B9D2: variants seen among roughly 807,000 people sequenced by gnomAD.
The protein encoded by B9D2 is B9 domain containing 2.
A neutral mutation model predicts 19.2 loss-of-function variants in B9D2; 21 were observed. The observed-to-expected ratio is 1.09, with a 90% CI of 0.78 to 1.58. The LOEUF (loss-of-function observed/expected upper bound fraction) is 1.58, where lower values mean the gene tolerates loss of function less well. B9D2 is among the 40% of genes most tolerant of loss of function. B9D2 has a pLI of 0.00. For synonymous variants in B9D2, 91 were observed against 100.6 expected, an observed-to-expected ratio of 0.90 and a Z score of 0.57; for missense variants, 221 against 244.3, an observed-to-expected ratio of 0.90 and a Z score of 0.64.
chr19:41,357,943 G>C lies in B9D2; in HGVS notation c.168C>G (p.Tyr56Ter), dbSNP rs1568484575. 1 of 1,614,146 alleles carries C rather than the reference G, an allele frequency of 6.2e-7. No homozygotes were observed. The highest frequency in any genetic ancestry group is 1.1e-5 in the South Asian group (1 of 91,074). ...VDTPQIGDMA[Y>*]WSHPIDLHFA... ...AGTGCAGGTCGATGGGGTGGGACCA[G>C]TAAGCCATGTCCCCTATCTGCGGGG... Residue 56 changes from tyrosine (Y) to a stop codon, truncating the protein, a stop_gained, in exon 3 of 4, where the codon TAC (tyrosine) becomes TAG (stop). Transcript: ENST00000243578. LOFTEE classifies it high-confidence loss of function.
chr19:41,363,871 C>T (rs1376444630), intron 1 of B9D2, 87 bp downstream of exon 1: 1 of 508,490 alleles, frequency 2.0e-6, no homozygotes, highest in Non-Finnish European at 3.6e-6. Flanking sequence ...CGCTTCCCTC[C>T]CCCAGCAAGC....
chr19:41,359,022 G>A (rs1026360093), intron 2 of B9D2, among the ~76,000 whole-genome samples: 16 of 151,890 alleles, frequency 1.1e-4, no homozygotes, highest in South Asian at 4.2e-4. Context: ...GCAGGTGCCT[G>A]TAATCCCAGG....
intron 2 of B9D2, chr19:41,363,033 G>A (rs1254297347): frequency 2.0e-5 from 5 of 251,410 alleles, no homozygotes; most frequent in South Asian, 8.5e-5. Flanking sequence ...CTGTTTGAGC[G>A]CAGGAGTTCG....
chr19:41,354,712 G>A lies in B9D2; in HGVS notation c.516C>T (p.Gly172=), dbSNP rs141578342. ...GAGGCAGAGTCCCTCAGCACTCCACGCCGTAGCGGTCGAAGTTGCGGAGCA... is the reference window on the plus strand; with the variant it reads ...GAGGCAGAGTCCCTCAGCACTCCACACCGTAGCGGTCGAAGTTGCGGAGCA... ...GLLLRNFDRY[G]VEC is the part of the protein sequence containing the mutation. The change falls in exon 4 of 4, where the codon GGC becomes GGT. Residue 172 remains glycine, a synonymous_variant. Transcript: ENST00000243578. 32 of 1,613,888 alleles carry A rather than the reference G, an allele frequency of 2.0e-5. No individual in the cohort carries two copies. Among genetic ancestry groups the A allele is most frequent in the East Asian group, 6.7e-5 (3 of 44,898 alleles).
chr19:41,362,100 A>AG (rs1568485937), intron 2 of B9D2, among the ~76,000 whole-genome samples: 1 of 129,050 alleles, frequency 7.7e-6, no homozygotes, highest in African/African-American at 3.0e-5. Flanking sequence ...AAAAAAAAAA[A>AG]GGGCCAGGCG....
chr19:41,363,314 G>C lies in B9D2; in HGVS notation c.88+118C>G, dbSNP rs142855802. ...GTGGACAGGGTGTGGGCTGGGCCTG[G>C]AGTACTGAGAACTGATGGAAATGAG... On this transcript the variant is annotated intron_variant, in intron 2 of 3. Transcript: ENST00000243578. 443 of 1,000,918 alleles carry C rather than the reference G, an allele frequency of 4.4e-4. 2 individuals carry two copies. The highest frequency in any genetic ancestry group is 9.6e-5 in the African/African-American group (6 of 62,520). The allele number at this position is 1,000,918 out of a possible 1,614,324, so 62.0% of individuals were successfully genotyped here.
At chr19:41,357,050 A>G (rs983800167) in intron 3 of B9D2, among the ~76,000 whole-genome samples, 1 of 151,850 alleles carries the variant, frequency 6.6e-6, no homozygotes, top group Non-Finnish European at 1.5e-5. Context: ...TCTTCCACGT[A>G]GCTCCCTCTG....
At chr19:41,355,129 T>C (rs2038291975) in intron 3 of B9D2, 116 bp from the exon 4 acceptor site, 5 of 1,142,326 alleles carry the variant, frequency 4.4e-6, no homozygotes, top group Non-Finnish European at 6.0e-6. Flanking sequence ...CTCTCTGGGT[T>C]TCTGTCCCAG....
At chr19:41,357,236 G>T (rs948389863) in intron 3 of B9D2, among the ~76,000 whole-genome samples, 1 of 152,138 alleles carries the variant, frequency 6.6e-6, no homozygotes, top group Non-Finnish European at 1.5e-5. Context: ...ACTCTGAGGT[G>T]CCACTGTCTG....
intron 2 of B9D2, among the ~76,000 whole-genome samples, chr19:41,361,562 C>T (rs1473523840): frequency 6.6e-6 from 1 of 151,530 alleles, no homozygotes; most frequent in East Asian, 1.9e-4. Flanking sequence ...CCTACGCAGG[C>T]GGATCACTTA....
intron 3 of B9D2, among the ~76,000 whole-genome samples, chr19:41,356,453 A>C (rs375601796): frequency 6.6e-6 from 1 of 152,182 alleles, no homozygotes; most frequent in African/African-American, 2.4e-5. Context: ...GGAGGCCCCA[A>C]GAGCTGAAAG....
chr19:41,354,717 A>G lies in B9D2; in HGVS notation c.511T>C (p.Tyr171His). ...IGLLLRNFDR[Y>H]GVEC is the part of the protein sequence containing the mutation. ...AGAGTCCCTCAGCACTCCACGCCGT[A>G]GCGGTCGAAGTTGCGGAGCAGCAGG... The change falls in exon 4 of 4, where the codon TAC becomes CAC. Residue 171 changes from tyrosine (Y) to histidine (H), a missense_variant. Tyr to His is a moderately conservative substitution (Grantham distance 83, BLOSUM62 2). Coordinates refer to ENST00000243578, the MANE Select transcript of B9D2 (RefSeq NM_030578.4). 6.2e-7 allele frequency: 1 copy of G among 1,614,060 alleles called. No homozygotes were observed. Among genetic ancestry groups the G allele is most frequent in the Non-Finnish European group, 8.5e-7 (1 of 1,180,024 alleles).
chr19:41,357,268 A>G (rs999539541), intron 3 of B9D2, among the ~76,000 whole-genome samples: 5 of 152,122 alleles, frequency 3.3e-5, no homozygotes, highest in Non-Finnish European at 5.9e-5. Context: ...GTCCCCCCAT[A>G]GGACGGTGAA....
intron 2 of B9D2, among the ~76,000 whole-genome samples, chr19:41,358,643 C>T (rs1381007463): frequency 6.6e-6 from 1 of 152,124 alleles, no homozygotes; most frequent in Non-Finnish European, 1.5e-5. Flanking sequence ...CCAAGGGTAC[C>T]CTCCAGGAGC....
intron 2 of B9D2, among the ~76,000 whole-genome samples, chr19:41,362,511 A>G (rs933026552): frequency 3.9e-5 from 6 of 152,162 alleles, no homozygotes; most frequent in Non-Finnish European, 8.8e-5. Flanking sequence ...AGACCCCATC[A>G]AAGTCTTGTA....
In B9D2 at chr19:41,354,874, A is replaced by C. The variant is rs531452941; in HGVS notation, c.354T>G (p.Ser118Arg). ...AAGCCCGTGCCAACTGTTCTCGCCA[A>C]CTGCCCAGGGGCCGCCACGTGGGGC... ...LACPTWRPLG[S>R]WREQLARAFV... Residue 118 changes from serine (S) to arginine (R), a missense_variant, in exon 4 of 4, where the codon AGT becomes AGG. By Grantham distance (110) the Ser-to-Arg change is moderately radical. Coordinates refer to ENST00000243578, the MANE Select transcript of B9D2 (RefSeq NM_030578.4). 16 of 1,613,854 alleles carry C rather than the reference A, an allele frequency of 9.9e-6. No individual in the cohort carries two copies. In the South Asian group the frequency reaches 1.8e-4, roughly 18 times the overall value.
intron 3 of B9D2, 107 bp downstream of exon 3, chr19:41,357,790 G>T: frequency 6.6e-7 from 1 of 1,513,410 alleles, no homozygotes; most frequent in Non-Finnish European, 9.1e-7. Context: ...AGGGACCTAC[G>T]TGGTATGGGG....
At chr19:41,355,621 T>C (rs2038301173) in intron 3 of B9D2, among the ~76,000 whole-genome samples, 1 of 152,232 alleles carries the variant, frequency 6.6e-6, no homozygotes, top group Non-Finnish European at 1.5e-5. Context: ...TCTCATCTCA[T>C]GCTGATCCCT....
rs970831731 is a variant in B9D2 at position 41,363,431 on chromosome 19, C to T, written c.88+1G>A. 6.2e-6 allele frequency: 10 copies of T among 1,614,038 alleles called. No individual in the cohort carries two copies. Among genetic ancestry groups the T allele is most frequent in the Non-Finnish European group, 8.5e-6 (10 of 1,179,966 alleles). On this transcript the variant is annotated splice_donor_variant, in intron 2 of 3. Coordinates refer to ENST00000243578, the MANE Select transcript of B9D2 (RefSeq NM_030578.4). LOFTEE classifies it high-confidence loss of function. ...GAAATGAACCAGGCTTGGGGGAATA[C>T]CTGTGTGAATGCCCCACTTGCAGAA...
Sources: allele counts gnomAD v4.1 joint callset (sites outside exome capture counted in the v4.1 genomes callset), GRCh38; gene constraint gnomAD v4.1.1; transcripts MANE v1.5; gene names NCBI Gene and HGNC (gene_info 2026-07-23, HGNC 2026-07-21).